Variants in KCNIP1 observed in about 807,000 individuals in gnomAD.
KCNIP1 encodes A-type potassium channel modulatory protein KCNIP1.
A neutral mutation model predicts 33.0 loss-of-function variants in KCNIP1; 18 were observed. That is an observed-to-expected ratio of 0.55 (90% confidence interval 0.38 to 0.81). The LOEUF is 0.81. Among genes scored for constraint, KCNIP1 ranks in the 30% least tolerant of loss-of-function variants. The pLI is 0.00. For synonymous variants in KCNIP1, 93 were observed against 98.3 expected, an observed-to-expected ratio of 0.95 and a Z score of 0.32; for missense variants, 238 against 271.6, an observed-to-expected ratio of 0.88 and a Z score of 0.87.
intron 1 of KCNIP1, among the ~76,000 whole-genome samples, chr5:170,428,821 G>A (rs1755670402): frequency 6.6e-6 from 1 of 152,104 alleles, no homozygotes; most frequent in African/African-American, 2.4e-5. Context: ...CTGCCCAGCT[G>A]CGGGTGGTGC....
chr5:170,694,889 T>A (rs142311168), intron 1 of KCNIP1, among the ~76,000 whole-genome samples: 94 of 152,362 alleles, frequency 6.2e-4, no homozygotes, highest in Non-Finnish European at 9.8e-4. Context: ...CTGAAAAATC[T>A]TCCAGGAGAT....
At chr5:170,480,228 A>T (rs1756946603) in intron 1 of KCNIP1, among the ~76,000 whole-genome samples, 1 of 152,232 alleles carries the variant, frequency 6.6e-6, no homozygotes, top group African/African-American at 2.4e-5. Context: ...TCCTAGGATT[A>T]GAGTATGAAG....
At chr5:170,434,541 G>A (rs78527240) in intron 1 of KCNIP1, among the ~76,000 whole-genome samples, 10,885 of 152,252 alleles carry the variant, frequency 0.071, 501 homozygotes, top group Middle Eastern at 0.14. Context: ...CACCAGGGAA[G>A]CTCAGGCAGG....
intron 1 of KCNIP1, among the ~76,000 whole-genome samples, chr5:170,650,404 A>G (rs1760996353): frequency 6.6e-6 from 1 of 151,590 alleles, no homozygotes; most frequent in Non-Finnish European, 1.5e-5. Flanking sequence ...CATTTTCTAC[A>G]GTTTTATCTA....
chr5:170,624,679 TGGAGG>T (rs1759744551), intron 1 of KCNIP1, among the ~76,000 whole-genome samples: 2 of 138,324 alleles, frequency 1.4e-5, no homozygotes, highest in Admixed American at 1.5e-4. Flanking sequence ...AGTTCTTGTG[TGGAGG>T]GGAGGAGAGG....
chr5:170,362,852 AG>A (rs1200749860), intron 1 of KCNIP1, among the ~76,000 whole-genome samples: 3 of 152,334 alleles, frequency 2.0e-5, no homozygotes, highest in East Asian at 3.9e-4. Flanking sequence ...GGCCGAGCCC[AG>A]GCTTACTGCT....
At chr5:170,569,676 C>T (rs1288949109) in intron 1 of KCNIP1, among the ~76,000 whole-genome samples, 2 of 152,006 alleles carry the variant, frequency 1.3e-5, no homozygotes, top group Non-Finnish European at 2.9e-5. Flanking sequence ...CCTGGAAGTT[C>T]AAGGCTGCAG....
At chr5:170,538,123 G>A (rs1756064924) in intron 1 of KCNIP1, among the ~76,000 whole-genome samples, 2 of 152,292 alleles carry the variant, frequency 1.3e-5, no homozygotes, top group East Asian at 3.9e-4. Context: ...CTCTGAGAAG[G>A]TTTCACAGCC....
chr5:170,709,340 A>T lies in KCNIP1; in HGVS notation c.62-9418A>T, dbSNP rs998920746. 5.3e-5 allele frequency among the ~76,000 whole-genome samples: 8 copies of T among 152,192 alleles called. No homozygotes were observed. The East Asian group carries it at 1.5e-3, about 29-fold the overall frequency. On this transcript the variant is annotated intron_variant, in intron 1 of 7. Coordinates refer to ENST00000328939, the MANE Select transcript of KCNIP1 (RefSeq NM_014592.4). ...TATTTTGAAGCTACATTATTAGTAC[A>T]TATTAATTTAGAATTGTTTTATCTT... is the stretch of plus-strand genomic sequence containing the variant.
chr5:170,586,376 T>C (rs958618964), intron 1 of KCNIP1, among the ~76,000 whole-genome samples: 39 of 152,278 alleles, frequency 2.6e-4, no homozygotes, highest in African/African-American at 8.7e-4. Context: ...ATGAAGATGC[T>C]GATGGGGATG....
Position 170,727,630 on chromosome 5 carries a change from T to A in KCNIP1, c.435+4810T>A, listed in dbSNP as rs1764056076. Among the ~76,000 whole-genome samples, 3 of 152,154 alleles carry A rather than the reference T, an allele frequency of 2.0e-5. No individual in the cohort carries two copies. The South Asian group carries it at 6.2e-4, about 32-fold the overall frequency. ...CAAAATATAGATTACAAATCCTAAA[T>A]GAGATAATAGGAAATTAATCCCAGT... is the stretch of plus-strand genomic sequence containing the variant. On this transcript the variant is annotated intron_variant, in intron 5 of 7. Coordinates refer to ENST00000328939, the MANE Select transcript of KCNIP1 (RefSeq NM_014592.4).
chr5:170,724,362 C>T (rs73321372), intron 5 of KCNIP1, among the ~76,000 whole-genome samples: 3,348 of 152,142 alleles, frequency 0.022, 135 homozygotes, highest in African/African-American at 0.076. Context: ...CTCGTGAGCA[C>T]AGATAAAAAA....
At chr5:170,564,744 T>G (rs575720748) in intron 1 of KCNIP1, among the ~76,000 whole-genome samples, 1 of 152,216 alleles carries the variant, frequency 6.6e-6, no homozygotes, top group Non-Finnish European at 1.5e-5. Context: ...TTTTTTTTAT[T>G]TTATGAAACT....
intron 1 of KCNIP1, among the ~76,000 whole-genome samples, chr5:170,524,077 G>C (rs572788952): frequency 2.7e-4 from 41 of 152,056 alleles, no homozygotes; most frequent in Non-Finnish European, 5.3e-4. Context: ...CCTCCTCCCT[G>C]GCCTCCCCAC....
intron 1 of KCNIP1, among the ~76,000 whole-genome samples, chr5:170,570,111 G>A (rs1483669401): frequency 1.3e-5 from 2 of 152,178 alleles, no homozygotes; most frequent in Non-Finnish European, 2.9e-5. Context: ...GTGGACTTCA[G>A]CTCTCCCAGT....
chr5:170,635,654 A>G (rs11742395), intron 1 of KCNIP1, among the ~76,000 whole-genome samples: 12,574 of 152,282 alleles, frequency 0.083, 590 homozygotes, highest in Non-Finnish European at 0.096. Context: ...TGTAAGGGAC[A>G]AGGGGGCAGG....
intron 1 of KCNIP1, among the ~76,000 whole-genome samples, chr5:170,434,410 C>T (rs1041676287): frequency 2.0e-5 from 3 of 152,108 alleles, no homozygotes; most frequent in African/African-American, 7.2e-5. Context: ...TGAGAGGCCT[C>T]CTGGGGTGTT....
intron 1 of KCNIP1, among the ~76,000 whole-genome samples, chr5:170,461,932 T>A (rs1756511050): frequency 6.6e-6 from 1 of 152,046 alleles, no homozygotes; most frequent in Admixed American, 6.6e-5. Flanking sequence ...TGAAACTGGA[T>A]CCTCATCTCT....
At position 170,733,007 on chromosome 5, in the gene KCNIP1, G is replaced by A. The variant is rs1764256501; in HGVS notation, c.540+103G>A. 6.1e-6 allele frequency: 4 copies of A among 658,064 alleles called. No homozygotes were observed. The East Asian group carries it at 1.0e-4, about 17-fold the overall frequency. The allele number at this position is 658,064 out of a possible 1,614,324, so 40.8% of individuals were successfully genotyped here. On this transcript the variant is annotated intron_variant, in intron 6 of 7. Coordinates refer to ENST00000328939, the MANE Select transcript of KCNIP1 (RefSeq NM_014592.4). ...TTGTGTCCAACCCTGTACTAAGCATGGTTGGTAACAGAAAAGAATTATAAG... is the reference window on the plus strand; with the variant it reads ...TTGTGTCCAACCCTGTACTAAGCATAGTTGGTAACAGAAAAGAATTATAAG...
Sources: allele counts gnomAD v4.1 joint callset (sites outside exome capture counted in the v4.1 genomes callset), GRCh38; gene constraint gnomAD v4.1.1; transcripts MANE v1.5; gene names NCBI Gene and HGNC (gene_info 2026-07-23, HGNC 2026-07-21).